ATRX: variants seen among roughly 807,000 people sequenced by gnomAD.
ATRX encodes chromatin remodeler ATRX.
Under a neutral mutation model 172.6 loss-of-function variants are expected in ATRX, and 12 were observed. The observed-to-expected ratio is 0.07, with a 90% CI of 0.04 to 0.11. The LOEUF is 0.11. Ranked by LOEUF, ATRX falls within the 10% of genes least tolerant of loss-of-function variation. The probability of loss-of-function intolerance (pLI) is 1.00; values close to 1 mark genes in which losing one functional copy is unlikely to be tolerated. For synonymous variants in ATRX, 674 were observed against 594.7 expected, an observed-to-expected ratio of 1.13 and a Z score of -1.94; for missense variants, 1,368 against 1,767.4, an observed-to-expected ratio of 0.77 and a Z score of 4.05.
chrX:77,564,311 T>A (rs2065121835), intron 28 of ATRX, among the ~76,000 whole-genome samples: 1 of 111,631 alleles, frequency 9.0e-6, no homozygotes, highest in African/African-American at 3.3e-5. Flanking sequence ...GTCAGAAGGA[T>A]GAGGCAGATG....
chrX:77,511,323 G>A (rs782548540), intron 34 of ATRX, among the ~76,000 whole-genome samples: 37 of 111,344 alleles, frequency 3.3e-4, no homozygotes, highest in Non-Finnish European at 6.6e-4. Context: ...TACCTAGAAA[G>A]CCTTCCCAAG....
intron 2 of ATRX, among the ~76,000 whole-genome samples, chrX:77,714,843 G>A (rs1436869751): frequency 9.0e-6 from 1 of 111,705 alleles, no homozygotes; most frequent in East Asian, 2.8e-4. Flanking sequence ...AATTTAAGGG[G>A]GAAAAACTTA....
At chrX:77,532,794 G>A (rs2063620391) in intron 30 of ATRX, among the ~76,000 whole-genome samples, 2 of 111,755 alleles carry the variant, frequency 1.8e-5, no homozygotes, top group African/African-American at 6.5e-5. Flanking sequence ...TTGACAAATG[G>A]GATCTAATTA....
At chrX:77,748,421 G>A (rs2075167021) in intron 1 of ATRX, among the ~76,000 whole-genome samples, 1 of 110,761 alleles carries the variant, frequency 9.0e-6, no homozygotes, top group South Asian at 3.8e-4. Context: ...TGGGAACAGA[G>A]AACAGGGAAG....
At chrX:77,590,064 A>G (rs2066178927) in intron 26 of ATRX, 124 bp from the exon 27 acceptor site, 2 of 597,470 alleles carry the variant, frequency 3.3e-6, no homozygotes, top group Non-Finnish European at 5.4e-6. Context: ...TTTTGTAGAA[A>G]TTACAAGGTG....
intron 2 of ATRX, among the ~76,000 whole-genome samples, chrX:77,710,560 G>A (rs1164965740): frequency 9.1e-6 from 1 of 110,438 alleles, no homozygotes. Flanking sequence ...TCTGATTCTG[G>A]GGTTAAGGAT....
intron 1 of ATRX, among the ~76,000 whole-genome samples, chrX:77,758,171 T>C (rs965725792): frequency 8.9e-4 from 95 of 106,711 alleles, no homozygotes; most frequent in Non-Finnish European, 9.9e-4. Flanking sequence ...AGTGGATCAC[T>C]TGAGGTCAGG....
intron 2 of ATRX, among the ~76,000 whole-genome samples, chrX:77,700,764 C>T (rs976063775): frequency 4.5e-5 from 5 of 112,028 alleles, no homozygotes; most frequent in African/African-American, 1.6e-4. Flanking sequence ...ATGCAGATTA[C>T]TATGTGAAAG....
At chrX:77,644,234 AC>A (rs2068799762) in intron 15 of ATRX, among the ~76,000 whole-genome samples, 1 of 112,935 alleles carries the variant, frequency 8.9e-6, no homozygotes, top group Non-Finnish European at 1.9e-5. Context: ...GAGCCACCAC[AC>A]CCAGCAGACG....
intron 1 of ATRX, among the ~76,000 whole-genome samples, chrX:77,773,154 T>C (rs1017709485): frequency 9.9e-6 from 1 of 100,983 alleles, no homozygotes; most frequent in African/African-American, 3.7e-5. Context: ...GGATGCACTA[T>C]AGTATAGTCA....
intron 23 of ATRX, among the ~76,000 whole-genome samples, chrX:77,600,125 A>G (rs2066619749): frequency 8.9e-6 from 1 of 112,132 alleles, no homozygotes; most frequent in African/African-American, 3.2e-5. Context: ...TAACTTTACT[A>G]TACTAATGCA....
intron 29 of ATRX, among the ~76,000 whole-genome samples, chrX:77,558,374 G>A (rs1488436928): frequency 1.8e-5 from 2 of 111,386 alleles, no homozygotes; most frequent in Non-Finnish European, 3.8e-5. Context: ...CCCAGTTTCT[G>A]GTTAAGAAGC....
intron 1 of ATRX, among the ~76,000 whole-genome samples, chrX:77,725,007 C>T (rs978888421): frequency 3.6e-5 from 4 of 111,869 alleles, no homozygotes; most frequent in Non-Finnish European, 7.5e-5. Context: ...TTTACTTATG[C>T]TAAACTTTTT....
intron 13 of ATRX, 58 bp downstream of exon 13, chrX:77,656,502 T>G: frequency 1.1e-6 from 1 of 892,417 alleles, no homozygotes; most frequent in African/African-American, 1.9e-5. Context: ...TATAAATCAT[T>G]TGAAGGCATG....
intron 20 of ATRX, 43 bp downstream of exon 20, chrX:77,620,352 G>A (rs1225257371): frequency 2.5e-6 from 3 of 1,180,692 alleles, no homozygotes; most frequent in Non-Finnish European, 3.4e-6. Flanking sequence ...TATATCTGAG[G>A]AAATACCAAT....
chrX:77,621,038 T>C (rs3027551), intron 19 of ATRX, among the ~76,000 whole-genome samples: 2,072 of 111,574 alleles, frequency 0.019, 41 homozygotes, highest in African/African-American at 0.063. Context: ...ATAACTAACA[T>C]TCATTGCTGG....
intron 1 of ATRX, among the ~76,000 whole-genome samples, chrX:77,755,657 C>G (rs1026048321): frequency 8.9e-6 from 1 of 112,053 alleles, no homozygotes; most frequent in Non-Finnish European, 1.9e-5. Flanking sequence ...GTATCACCAG[C>G]GGAGGCTGGA....
chrX:77,521,634 C>A (rs1557041426), intron 32 of ATRX, 136 bp from the exon 33 acceptor site: 1 of 470,052 alleles, frequency 2.1e-6, no homozygotes, highest in African/African-American at 2.4e-5. Context: ...CAGCAAAATT[C>A]AGTATCAATA....
chrX:77,651,778 GAAC>G (rs1557116972), intron 15 of ATRX, among the ~76,000 whole-genome samples: 3 of 111,645 alleles, frequency 2.7e-5, no homozygotes, highest in Non-Finnish European at 5.6e-5. Context: ...AGAATCACAT[GAAC>G]CCAGGAGGCA....
Sources: gnomAD v4.1 joint callset for allele counts (sites outside exome capture counted in the v4.1 genomes callset) on GRCh38, gnomAD v4.1.1 for gene constraint, MANE v1.5 for transcripts, NCBI Gene and HGNC (gene_info 2026-07-23, HGNC 2026-07-21) for gene names.